The following TRAF3IP1 variants were observed in gnomAD, a reference collection of about 807,000 sequenced individuals.
The protein encoded by TRAF3IP1 is intraflagellar transport 54.
A neutral mutation model predicts 89.9 loss-of-function variants in TRAF3IP1; 53 were observed. The observed-to-expected ratio is 0.59, with a 90% confidence interval of 0.47 to 0.74. The LOEUF (loss-of-function observed/expected upper bound fraction) is 0.74. Among genes scored for constraint, TRAF3IP1 ranks in the 30% least tolerant of loss-of-function variants. The probability of loss-of-function intolerance (pLI) is 0.00; values close to 1 mark genes in which losing one functional copy is unlikely to be tolerated. For synonymous variants in TRAF3IP1, 311 were observed against 322.1 expected, an observed-to-expected ratio of 0.97 and a Z score of 0.37; for missense variants, 806 against 866.1, an observed-to-expected ratio of 0.93 and a Z score of 0.87.
At chr2:238,340,852 GAGAGAGAC>G (rs1381823651) in intron 8 of TRAF3IP1, among the ~76,000 whole-genome samples, 114 of 83,352 alleles carry the variant, frequency 1.4e-3, no homozygotes, top group African/African-American at 5.2e-3. Context: ...TATATAGAGA[GAGAGAGAC>G]AGAGAGACAG....
chr2:238,359,581 A>G (rs1699573254), intron 15 of TRAF3IP1, among the ~76,000 whole-genome samples: 1 of 152,028 alleles, frequency 6.6e-6, no homozygotes, highest in Non-Finnish European at 1.5e-5. Context: ...GCTGAGTAGT[A>G]TTTCATTGTA....
In TRAF3IP1 at chr2:238,399,864, T is replaced by C. The variant is rs1701393852; in HGVS notation, c.*945T>C. 1 of 152,182 alleles carries C rather than the reference T, an allele frequency of 6.6e-6. No homozygotes were observed. The highest frequency in any genetic ancestry group is 2.4e-5 in the African/African-American group (1 of 41,422). 9.4% of individuals were successfully genotyped at this position (152,182 alleles called of 1,614,324 possible). A position where few individuals can be genotyped will look rare whatever the true frequency, so the allele number is the denominator to read the frequency against. On this transcript the variant is annotated 3_prime_UTR_variant, in exon 17 of 17. Transcript: ENST00000373327. Reference sequence around the variant, plus strand: ...ATGTTAGCCATTTTTTTGGAAATTGTTTTTTAAAGCAAAAGTTTTTTAAAA... The same window carrying C: ...ATGTTAGCCATTTTTTTGGAAATTGCTTTTTAAAGCAAAAGTTTTTTAAAA...
Position 238,338,473 on chromosome 2 carries a change from T to A in TRAF3IP1, c.1159+16T>A. The A allele has an allele frequency of 7.0e-7, 1 of 1,425,236 alleles. No homozygotes were observed. The highest frequency in any genetic ancestry group is 9.7e-7 in the Non-Finnish European group (1 of 1,030,770). 88.3% of individuals were successfully genotyped at this position (1,425,236 alleles called of 1,614,324 possible). Reference sequence around the variant, plus strand: ...TCAGAAATAGGTAAGAAAAATATATTCTTTAGTTTAAATTCCTCACCACTT... The same window carrying A: ...TCAGAAATAGGTAAGAAAAATATATACTTTAGTTTAAATTCCTCACCACTT... On this transcript the variant is annotated intron_variant, in intron 8 of 16. Coordinates refer to ENST00000373327, the MANE Select transcript of TRAF3IP1 (RefSeq NM_015650.4).
intron 3 of TRAF3IP1, 146 bp from the exon 4 acceptor site, chr2:238,328,540 A>G (rs763751462): frequency 9.8e-6 from 10 of 1,022,202 alleles, no homozygotes; most frequent in Non-Finnish European, 1.3e-5. Flanking sequence ...TGATAATAAC[A>G]TGTTCAAAAA....
At chr2:238,341,782 A>G (rs900693541) in intron 8 of TRAF3IP1, among the ~76,000 whole-genome samples, 18 of 152,100 alleles carry the variant, frequency 1.2e-4, no homozygotes, top group African/African-American at 4.3e-4. Context: ...CAAACTGGGC[A>G]AACTGCGGCT....
chr2:238,324,212 C>T (rs574047585), intron 1 of TRAF3IP1, among the ~76,000 whole-genome samples: 8 of 152,196 alleles, frequency 5.3e-5, no homozygotes, highest in East Asian at 3.9e-4. Context: ...GGATTACAGA[C>T]GCCCACCACC....
chr2:238,332,068 CTT>C (rs1040191807), intron 5 of TRAF3IP1, among the ~76,000 whole-genome samples: 4 of 152,182 alleles, frequency 2.6e-5, no homozygotes, highest in African/African-American at 9.7e-5. Context: ...TTAACTGCCT[CTT>C]TTATGGGTAG....
Position 238,398,827 on chromosome 2 carries a change from G to A in TRAF3IP1, c.1984G>A (p.Asp662Asn). The A allele has an allele frequency of 1.2e-6, 2 of 1,613,592 alleles. No homozygotes were observed. Among genetic ancestry groups the A allele is most frequent in the Non-Finnish European group, 1.7e-6 (2 of 1,179,758 alleles). ...ELEQLIKDQQ[D>N]KICAVKANIL... Reference sequence around the variant, plus strand: ...GGAGCAGCTGATCAAAGACCAGCAAGACAAGATCTGTGCTGTGAAGGCCAA... The same window carrying A: ...GGAGCAGCTGATCAAAGACCAGCAAAACAAGATCTGTGCTGTGAAGGCCAA... Residue 662 changes from aspartate to asparagine, a missense_variant, in exon 17 of 17, where the codon GAC becomes AAC. Physicochemically the swap from Asp to Asn is conservative, Grantham distance 23. Around this residue, in one of 3 missense-constraint regions of TRAF3IP1, gnomAD observed 70 missense variants for 67.8 expected, o/e 1.03. Transcript: ENST00000373327.
intron 3 of TRAF3IP1, among the ~76,000 whole-genome samples, chr2:238,326,539 T>C (rs1697842648): frequency 6.7e-6 from 1 of 148,650 alleles, no homozygotes; most frequent in South Asian, 2.1e-4. Context: ...CACTGTGGGC[T>C]AGAAACTTGG....
chr2:238,334,117 A>C, intron 7 of TRAF3IP1, 82 bp downstream of exon 7: 1 of 1,040,312 alleles, frequency 9.6e-7, no homozygotes, highest in South Asian at 1.5e-5. Context: ...GTCTAGTAGG[A>C]AAGAACTCCT....
chr2:238,356,695 C>T (rs1699425191), intron 15 of TRAF3IP1, among the ~76,000 whole-genome samples: 1 of 152,166 alleles, frequency 6.6e-6, no homozygotes, highest in South Asian at 2.1e-4. Flanking sequence ...TCTGGCCTTG[C>T]CCATCCCTTC....
At chr2:238,344,152 T>G (rs1417997589) in intron 8 of TRAF3IP1, among the ~76,000 whole-genome samples, 2 of 152,184 alleles carry the variant, frequency 1.3e-5, no homozygotes, top group African/African-American at 4.8e-5. Context: ...TTGCAGCCTC[T>G]CAGCTGCTGG....
intron 6 of TRAF3IP1, among the ~76,000 whole-genome samples, chr2:238,333,647 C>T (rs1205309300): frequency 2.0e-5 from 3 of 152,142 alleles, no homozygotes; most frequent in Non-Finnish European, 4.4e-5. Context: ...AAGTATATAG[C>T]AACAGAAGTG....
At chr2:238,320,994 G>T (rs1697505771) in intron 1 of TRAF3IP1, among the ~76,000 whole-genome samples, 1 of 151,442 alleles carries the variant, frequency 6.6e-6, no homozygotes, top group Admixed American at 6.6e-5. Flanking sequence ...CCTGTTCAGG[G>T]CCGGGTGTGG....
chr2:238,321,896 G>A (rs933239638), intron 1 of TRAF3IP1, among the ~76,000 whole-genome samples: 2 of 152,192 alleles, frequency 1.3e-5, no homozygotes, highest in African/African-American at 4.8e-5. Context: ...TTCTTGCACA[G>A]ACTTTGCTTT....
At chr2:238,333,925 A>G in intron 6 of TRAF3IP1, 35 bp from the exon 7 acceptor site, 1 of 1,528,074 alleles carries the variant, frequency 6.5e-7, no homozygotes, top group Non-Finnish European at 9.0e-7. Context: ...TGTGTAATAC[A>G]TCAATTAATT....
At chr2:238,388,590 C>CA (rs1364337754) in intron 15 of TRAF3IP1, among the ~76,000 whole-genome samples, 1 of 138,518 alleles carries the variant, frequency 7.2e-6, no homozygotes, top group Non-Finnish European at 1.6e-5. Context: ...ATGAAGAACA[C>CA]AACTTTTTTT....
Position 238,349,310 on chromosome 2 carries a change from A to C in TRAF3IP1, c.1368-15A>C, listed in dbSNP as rs774567385. The C allele has an allele frequency of 2.5e-6, 4 of 1,612,680 alleles. No homozygotes were observed. In the African/African-American group the frequency reaches 5.4e-5, roughly 22 times the overall value. ...TTTCATACTCCTTTTTTGGTTTTCCAATATTTGGGTTTAGAAGAATTCCTC... is the reference window on the plus strand; with the variant it reads ...TTTCATACTCCTTTTTTGGTTTTCCCATATTTGGGTTTAGAAGAATTCCTC... On this transcript the variant is annotated splice_polypyrimidine_tract_variant and intron_variant, in intron 11 of 16. Coordinates refer to ENST00000373327, the MANE Select transcript of TRAF3IP1 (RefSeq NM_015650.4).
chr2:238,334,728 G>T (rs1698302659), intron 7 of TRAF3IP1, among the ~76,000 whole-genome samples: 1 of 152,260 alleles, frequency 6.6e-6, no homozygotes, highest in Non-Finnish European at 1.5e-5. Flanking sequence ...AGGAGGCTTA[G>T]ATGGTAGGTT....
Sources: gnomAD v4.1 joint callset for allele counts (sites outside exome capture counted in the v4.1 genomes callset) on GRCh38, gnomAD v4.1.1 for gene constraint, gnomAD v4.1.1 regional missense constraint, MANE v1.5 for transcripts, NCBI Gene and HGNC (gene_info 2026-07-23, HGNC 2026-07-21) for gene names.